The following EPS8 variants were observed in gnomAD, a reference collection of about 807,000 sequenced individuals.
EPS8 encodes EGFR pathway substrate 8, signaling adaptor, also known as epidermal growth factor receptor kinase substrate 8.
EPS8 carries 42 observed loss-of-function variants against 103.8 expected under a neutral mutation model. The ratio of observed to expected loss-of-function variants is 0.40; its 90% CI spans 0.32 to 0.52. The LOEUF (loss-of-function observed/expected upper bound fraction) is 0.52, where lower values mean the gene tolerates loss of function less well. Ranked by LOEUF, EPS8 falls within the 20% of genes least tolerant of loss-of-function variation. The pLI, the probability that EPS8 is intolerant of heterozygous loss-of-function variation, is 0.40. For missense variants in EPS8, 969 were observed against 1,005.1 expected (o/e 0.96, Z 0.49); for synonymous variants, 344 against 344.6 (o/e 1.00, Z 0.02).
At chr12:15,750,604 GAGCCTCAAGC>G (rs1946921833) in intron 1 of EPS8, among the ~76,000 whole-genome samples, 1 of 152,158 alleles carries the variant, frequency 6.6e-6, no homozygotes, top group Non-Finnish European at 1.5e-5. Context: ...CAGATTCAAG[GAGCCTCAAGC>G]AGTGAACAAC....
At chr12:15,621,519 G>T in intron 20 of EPS8, 89 bp from the exon 21 acceptor site, 1 of 684,216 alleles carries the variant, frequency 1.5e-6, no homozygotes, top group Non-Finnish European at 2.4e-6. Context: ...AAATTCTACT[G>T]TGGTTTTCTT....
intron 1 of EPS8, among the ~76,000 whole-genome samples, chr12:15,705,335 T>G (rs1381361185): frequency 6.6e-6 from 1 of 152,244 alleles, no homozygotes. Context: ...ATAGATATAT[T>G]GTTTCATGAA....
chr12:15,756,742 T>C (rs1365440881), intron 1 of EPS8, among the ~76,000 whole-genome samples: 1 of 152,160 alleles, frequency 6.6e-6, no homozygotes, highest in Admixed American at 6.6e-5. Context: ...AGGAAGAAAT[T>C]TGGAACATGA....
rs1947018655 is a variant in EPS8 at position 15,759,330 on chromosome 12, T to C, written c.-22+29831A>G. Among the ~76,000 whole-genome samples the C allele has an allele frequency of 3.3e-5, 5 of 152,236 alleles. No individual in the cohort carries two copies. The South Asian group carries it at 1.0e-3, about 31-fold the overall frequency. On this transcript the variant is annotated intron_variant, in intron 1 of 20. Transcript: ENST00000281172. The surrounding 1 kb of genome is among the most constrained non-coding windows in gnomAD (Gnocchi z 4.9). The stretch of plus-strand genomic sequence containing the variant: ...GTATATTATGCTTTGAAGGCAACAA[T>C]TAGCTATACTTCCATAATTTTGATC...
chr12:15,632,885 C>T (rs1324308583), intron 17 of EPS8, among the ~76,000 whole-genome samples: 4 of 152,144 alleles, frequency 2.6e-5, no homozygotes, highest in Non-Finnish European at 1.5e-5. Context: ...AAGGAGCCCT[C>T]ATTCTTTTCA....
In EPS8 at chr12:15,669,694, T is replaced by C. The variant is rs1351301656; in HGVS notation, c.336A>G (p.Arg112=). Residue 112 remains arginine (R), a synonymous_variant, in exon 5 of 21, where the codon AGA becomes AGG. Coordinates refer to ENST00000281172, the MANE Select transcript of EPS8 (RefSeq NM_004447.6). ...TQDMILQVDD[R]AVSLIDLESK... is the part of the protein sequence containing the mutation. ...ATTCTAAATCAATCAGGCTCACAGC[T>C]CTGTCATCCACTTGAAGAATCATAT... The C allele has an allele frequency of 1.2e-6, 2 of 1,610,540 alleles. No individual in the cohort carries two copies. The highest frequency in any genetic ancestry group is 1.7e-6 in the Non-Finnish European group (2 of 1,179,038).
At chr12:15,650,689 G>A in intron 14 of EPS8, 134 bp downstream of exon 14, 1 of 757,704 alleles carries the variant, frequency 1.3e-6, no homozygotes, top group Non-Finnish European at 2.1e-6. Flanking sequence ...AGGTAATTCA[G>A]GACAGGGTAA....
chr12:15,788,236 A>G (rs60033307), intron 1 of EPS8, among the ~76,000 whole-genome samples: 2,392 of 152,310 alleles, frequency 0.016, 67 homozygotes, highest in African/African-American at 0.055. Context: ...CTTACTATCT[A>G]AGGCAAGAAA....
At chr12:15,691,538 T>C (rs1480307406) in intron 1 of EPS8, among the ~76,000 whole-genome samples, 1 of 152,158 alleles carries the variant, frequency 6.6e-6, no homozygotes, top group African/African-American at 2.4e-5. Flanking sequence ...AGACATTCGG[T>C]TCATAACTGC....
chr12:15,741,108 G>C (rs965598154), intron 1 of EPS8, among the ~76,000 whole-genome samples: 4 of 152,176 alleles, frequency 2.6e-5, no homozygotes, highest in African/African-American at 4.8e-5. Context: ...GGGCTTCATG[G>C]GCAGGCAGCC....
At position 15,700,998 on chromosome 12, in the gene EPS8, A is replaced by G. The variant is rs538780671; in HGVS notation, c.-21-18026T>C. Reference sequence around the variant, plus strand: ...GTCAAAAATTGGTAATGTAAGGTATATTATAAAGAATAAACTACTACCTAC... The same window carrying G: ...GTCAAAAATTGGTAATGTAAGGTATGTTATAAAGAATAAACTACTACCTAC... On this transcript the variant is annotated intron_variant, in intron 1 of 20. Coordinates refer to ENST00000281172, the MANE Select transcript of EPS8 (RefSeq NM_004447.6). The surrounding 1 kb of genome is among the most constrained non-coding windows in gnomAD (Gnocchi z 5.1). Among the ~76,000 whole-genome samples, 2 of 152,290 alleles carry G rather than the reference A, an allele frequency of 1.3e-5. No individual in the cohort carries two copies. The highest frequency in any genetic ancestry group is 4.2e-4 in the South Asian group (2 of 4,818).
chr12:15,631,752 G>T, intron 17 of EPS8, 88 bp from the exon 18 acceptor site: 2 of 1,062,586 alleles, frequency 1.9e-6, no homozygotes, highest in Non-Finnish European at 2.7e-6. Flanking sequence ...GACATTGTTG[G>T]CTATTTTTAA....
rs1946067817 is a variant in EPS8 at position 15,684,766 on chromosome 12, A to C, written c.-21-1794T>G. On this transcript the variant is annotated intron_variant, in intron 1 of 20. Coordinates refer to ENST00000281172, the MANE Select transcript of EPS8 (RefSeq NM_004447.6). The surrounding 1 kb of genome is among the most constrained non-coding windows in gnomAD (Gnocchi z 4.9). ...GTAAGAATGGCCCTCAAAACACTGGACTTTAATTTAAGCTTTCCTATCCAC... is the reference window on the plus strand; with the variant it reads ...GTAAGAATGGCCCTCAAAACACTGGCCTTTAATTTAAGCTTTCCTATCCAC... 6.6e-6 allele frequency among the ~76,000 whole-genome samples: 1 copy of C among 152,224 alleles called. No individual in the cohort carries two copies. Among genetic ancestry groups the C allele is most frequent in the Non-Finnish European group, 1.5e-5 (1 of 68,038 alleles).
At position 15,760,000 on chromosome 12, in the gene EPS8, A is replaced by AT. The variant is rs895298832; in HGVS notation, c.-22+29160dup. Among the ~76,000 whole-genome samples, 1 of 151,942 alleles carries AT rather than the reference A, an allele frequency of 6.6e-6. No homozygotes were observed. The highest frequency in any genetic ancestry group is 2.4e-5 in the African/African-American group (1 of 41,448). On this transcript the variant is annotated intron_variant, in intron 1 of 20. Transcript: ENST00000281172. This position sits in a 1 kb window ranked among gnomAD's most constrained non-coding sequence, Gnocchi z 4.9. ...TAAGAGAAATTAAAAAGAAGAAAAT[A>AT]TAAAAAAAATCAATGAAACTAAAAG...
chr12:15,774,220 C>A (rs1565539037), intron 1 of EPS8, among the ~76,000 whole-genome samples: 1 of 151,834 alleles, frequency 6.6e-6, no homozygotes, highest in Non-Finnish European at 1.5e-5. Context: ...AAATGAGGAA[C>A]TAATGAATTT....
Position 15,662,117 on chromosome 12 carries a change from A to C in EPS8, c.737-18T>G. Reference sequence around the variant, plus strand: ...TTTCTCAACTATAGAAAGGACAATCATAAGTCTTTCAATCTTTTACTCCCA... The same window carrying C: ...TTTCTCAACTATAGAAAGGACAATCCTAAGTCTTTCAATCTTTTACTCCCA... On this transcript the variant is annotated intron_variant, in intron 8 of 20. Transcript: ENST00000281172. 1 of 1,608,168 alleles carries C rather than the reference A, an allele frequency of 6.2e-7. No individual in the cohort carries two copies. The highest frequency in any genetic ancestry group is 1.1e-5 in the South Asian group (1 of 90,798).
chr12:15,750,545 G>C (rs1301466377), intron 1 of EPS8, among the ~76,000 whole-genome samples: 1 of 152,136 alleles, frequency 6.6e-6, no homozygotes, highest in Admixed American at 6.5e-5. Context: ...CAGAAGTACA[G>C]GTAGATGAAG....
chr12:15,737,822 G>A (rs77879456), intron 1 of EPS8, among the ~76,000 whole-genome samples: 2,063 of 151,992 alleles, frequency 0.014, 38 homozygotes, highest in African/African-American at 0.044. Context: ...ACAGTCCCGC[G>A]ACACCAATTA....
Position 15,785,291 on chromosome 12 carries a change from A to T in EPS8, c.-22+3870T>A, listed in dbSNP as rs1591942666. 6.6e-6 allele frequency among the ~76,000 whole-genome samples: 1 copy of T among 152,148 alleles called. No homozygotes were observed. Among genetic ancestry groups the T allele is most frequent in the African/African-American group, 2.4e-5 (1 of 41,464 alleles). Reference sequence around the variant, plus strand: ...CTGTGAGACTAAAAGCAAAAGGAATAGTACATAAACACTGTACTCTTGATG... The same window carrying T: ...CTGTGAGACTAAAAGCAAAAGGAATTGTACATAAACACTGTACTCTTGATG... On this transcript the variant is annotated intron_variant, in intron 1 of 20. Coordinates refer to ENST00000281172, the MANE Select transcript of EPS8 (RefSeq NM_004447.6). This position sits in a 1 kb window ranked among gnomAD's most constrained non-coding sequence, Gnocchi z 4.9.
Sources: gnomAD v4.1 joint callset for allele counts (sites outside exome capture counted in the v4.1 genomes callset) on GRCh38, gnomAD v4.1.1 for gene constraint, Gnocchi (gnomAD v3.1) non-coding constraint, MANE v1.5 for transcripts, NCBI Gene and HGNC (gene_info 2026-07-23, HGNC 2026-07-21) for gene names.